Variants in DOP1B observed in about 807,000 individuals in gnomAD.
DOP1B encodes the protein DOP1 leucine zipper like protein B, also known as protein DOP1B.
Under a neutral mutation model 233.5 loss-of-function variants are expected in DOP1B, and 174 were observed. The observed-to-expected ratio is 0.75, with a 90% CI of 0.66 to 0.85. The LOEUF is 0.85. DOP1B is among the 40% of genes least tolerant of loss of function. DOP1B has a pLI of 0.00. For missense variants in DOP1B, 2,652 were observed against 2,846.6 expected (o/e 0.93, Z 1.56); for synonymous variants, 1,190 against 1,185.6 (o/e 1.00, Z -0.08).
chr21:36,231,168 G>C (rs1186314011), intron 14 of DOP1B, 34 bp downstream of exon 14: 1 of 1,547,548 alleles, frequency 6.5e-7, no homozygotes, highest in East Asian at 2.3e-5. Context: ...CCCTCTTTGG[G>C]AATCATACGA....
chr21:36,163,808 A>G (rs2065887690), intron 1 of DOP1B, among the ~76,000 whole-genome samples: 1 of 152,228 alleles, frequency 6.6e-6, no homozygotes, highest in Non-Finnish European at 1.5e-5. Context: ...TGGTGCCTTC[A>G]TCATGCCATC....
intron 2 of DOP1B, among the ~76,000 whole-genome samples, chr21:36,188,147 T>G (rs970138288): frequency 6.6e-6 from 1 of 152,228 alleles, no homozygotes; most frequent in Non-Finnish European, 1.5e-5. Context: ...GAGAGCTGAT[T>G]AATCACGTGC....
chr21:36,281,415 G>C, intron 31 of DOP1B, 68 bp from the exon 32 acceptor site: 1 of 1,486,560 alleles, frequency 6.7e-7, no homozygotes, highest in Non-Finnish European at 9.1e-7. Context: ...ACACTAGTAT[G>C]AATTTCCCAT....
At chr21:36,247,706 G>A in intron 20 of DOP1B, 78 bp downstream of exon 20, 1 of 1,037,116 alleles carries the variant, frequency 9.6e-7, no homozygotes, top group Non-Finnish European at 1.4e-6. Flanking sequence ...TTTCAAATAA[G>A]TAACGTATGT....
rs776411695 is a variant in DOP1B at position 36,225,640 on chromosome 21, G to C, written c.1446G>C (p.Leu482=). ...PPTVSELCAL[L]VFLLDVIPLE... ...CGGTCTCGGAGCTCTGCGCCCTCCT[G>C]GTCTTCCTGCTGGATGTCATTCCTT... is the stretch of plus-strand genomic sequence containing the variant. The change falls in exon 12 of 37, where the codon CTG becomes CTC. Residue 482 remains leucine, a synonymous_variant. Coordinates refer to ENST00000691173, the MANE Select transcript of DOP1B (RefSeq NM_001320714.2). The C allele has an allele frequency of 3.1e-6, 5 of 1,614,184 alleles. No individual in the cohort carries two copies. In the East Asian group the frequency reaches 8.9e-5, roughly 29 times the overall value.
In DOP1B at chr21:36,246,655, G is replaced by A. The variant is rs767846577; in HGVS notation, c.4675G>A (p.Glu1559Lys). 2.4e-5 allele frequency: 39 copies of A among 1,611,576 alleles called. No homozygotes were observed. Among genetic ancestry groups the A allele is most frequent in the Admixed American group, 2.3e-4 (14 of 59,976 alleles). Residue 1559 changes from glutamate to lysine, a missense_variant, in exon 19 of 37, where the codon GAA (glutamate) becomes AAA (lysine). Physicochemically the swap from Glu to Lys is moderately conservative, Grantham distance 56. This residue lies in a region of DOP1B where 2,617 missense variants were observed against 2,794.3 expected (regional missense o/e 0.94). Transcript: ENST00000691173. This position sits in a 1 kb window ranked among gnomAD's most constrained non-coding sequence, Gnocchi z 5.1. ...TGACTTGGTCAAGCAGTATGAAAGCGAATCTGTGAAGCTCTCTGTCAGGTG... is the reference window on the plus strand; with the variant it reads ...TGACTTGGTCAAGCAGTATGAAAGCAAATCTGTGAAGCTCTCTGTCAGGTG... ...LDDLVKQYESESVKLSVSTTS... is the reference protein window; with the variant it reads ...LDDLVKQYESKSVKLSVSTTS...
chr21:36,272,602 G>A (rs1449186804), intron 27 of DOP1B, among the ~76,000 whole-genome samples: 3 of 149,522 alleles, frequency 2.0e-5, no homozygotes, highest in East Asian at 2.0e-4. Context: ...AGCCAAGATC[G>A]TGCCACTACA....
At chr21:36,200,617 G>A (rs1033209999) in intron 4 of DOP1B, 116 bp downstream of exon 4, 5 of 1,285,558 alleles carry the variant, frequency 3.9e-6, no homozygotes, top group Non-Finnish European at 4.1e-6. Flanking sequence ...GCCAAGGTGG[G>A]TGGATCACAA....
At chr21:36,256,459 C>T (rs906206984) in intron 23 of DOP1B, among the ~76,000 whole-genome samples, 2 of 152,014 alleles carry the variant, frequency 1.3e-5, no homozygotes, top group East Asian at 3.9e-4. Context: ...AAAATTCGTG[C>T]AATGGAAAAA....
At chr21:36,264,517 A>T (rs1441836121) in intron 26 of DOP1B, among the ~76,000 whole-genome samples, 1 of 149,914 alleles carries the variant, frequency 6.7e-6, no homozygotes, top group East Asian at 2.0e-4. Context: ...TCCATCACCC[A>T]GGCTAGAGTG....
intron 2 of DOP1B, among the ~76,000 whole-genome samples, chr21:36,167,319 C>T (rs1038552456): frequency 5.3e-4 from 80 of 152,162 alleles, no homozygotes; most frequent in African/African-American, 1.7e-3. Context: ...ATTAGAGGTG[C>T]CCGCCACCAG....
intron 4 of DOP1B, among the ~76,000 whole-genome samples, chr21:36,203,007 C>T (rs1480929973): frequency 6.6e-6 from 1 of 152,222 alleles, no homozygotes; most frequent in African/African-American, 2.4e-5. Flanking sequence ...CATTAGTTCC[C>T]TAAAGCTTAC....
At chr21:36,196,953 TTTGAGA>T (rs2123464354) in intron 2 of DOP1B, among the ~76,000 whole-genome samples, 1 of 152,002 alleles carries the variant, frequency 6.6e-6, no homozygotes, top group Admixed American at 6.6e-5. Flanking sequence ...TTTTTTTTTT[TTTGAGA>T]TGAGATGGAG....
rs148652238 is a variant in DOP1B at position 36,199,192 on chromosome 21, C to G, written c.261C>G (p.Tyr87Ter). The G allele has an allele frequency of 6.2e-7, 1 of 1,614,000 alleles. No homozygotes were observed. The highest frequency in any genetic ancestry group is 8.5e-7 in the Non-Finnish European group (1 of 1,180,024). ...TCCACTTAAAAGCTCTGGAAACCTA[C>G]GAGATTATCTTTAAAATCGTGGGGA... The part of the protein sequence containing the change: ...SGVHLKALET[Y>*]EIIFKIVGTK... The change falls in exon 3 of 37, where the codon TAC (tyrosine) becomes TAG (stop). Residue 87 changes from tyrosine to a stop codon, truncating the protein, a stop_gained. Transcript: ENST00000691173. LOFTEE classifies it high-confidence loss of function.
chr21:36,184,069 G>A (rs1219643038), intron 2 of DOP1B, among the ~76,000 whole-genome samples: 1 of 151,354 alleles, frequency 6.6e-6, no homozygotes, highest in Non-Finnish European at 1.5e-5. Context: ...CTTTTTTTGA[G>A]ACAGAGTCAT....
chr21:36,270,231 G>T, intron 27 of DOP1B, 74 bp downstream of exon 27: 2 of 1,504,902 alleles, frequency 1.3e-6, no homozygotes, highest in Non-Finnish European at 1.8e-6. Flanking sequence ...GAGAGATCTT[G>T]AGTGTTCTCA....
intron 32 of DOP1B, among the ~76,000 whole-genome samples, chr21:36,285,159 A>G (rs1047202563): frequency 6.6e-5 from 10 of 152,018 alleles, no homozygotes; most frequent in Admixed American, 6.6e-4. Flanking sequence ...TCCTAGGTTC[A>G]AGTGATTCTC....
intron 18 of DOP1B, among the ~76,000 whole-genome samples, chr21:36,242,189 T>C (rs1370871752): frequency 6.7e-6 from 1 of 150,340 alleles, no homozygotes; most frequent in South Asian, 2.1e-4. Context: ...ATTATTATTA[T>C]TGAAGAAGAG....
At chr21:36,229,327 G>T (rs946820262) in intron 13 of DOP1B, among the ~76,000 whole-genome samples, 2 of 152,194 alleles carry the variant, frequency 1.3e-5, no homozygotes, top group African/African-American at 4.8e-5. Context: ...GGGAAAAAGA[G>T]TCTGTCTCAT....
Sources: gnomAD v4.1 joint callset for allele counts (sites outside exome capture counted in the v4.1 genomes callset) on GRCh38, gnomAD v4.1.1 for gene constraint, gnomAD v4.1.1 regional missense constraint, Gnocchi (gnomAD v3.1) non-coding constraint, MANE v1.5 for transcripts, NCBI Gene and HGNC (gene_info 2026-07-23, HGNC 2026-07-21) for gene names.